ERP44: variants seen among roughly 807,000 people sequenced by gnomAD.
ERP44 encodes the protein endoplasmic reticulum resident protein 44.
In ERP44, 25 loss-of-function variants were observed where a neutral mutation model predicts 53.4. The ratio of observed to expected loss-of-function variants is 0.47; its 90% CI spans 0.34 to 0.65. The LOEUF (loss-of-function observed/expected upper bound fraction) is 0.65, where lower values mean the gene tolerates loss of function less well. Ranked by LOEUF, ERP44 falls within the 30% of genes least tolerant of loss-of-function variation. The probability of loss-of-function intolerance (pLI) is 0.01; values close to 1 mark genes in which losing one functional copy is unlikely to be tolerated. For missense variants in ERP44, 338 were observed against 493.2 expected (o/e 0.69, Z 2.98); for synonymous variants, 145 against 161.2 (o/e 0.90, Z 0.76).
chr9:99,999,009 C>A, intron 10 of ERP44: 3 of 1,091,618 alleles, frequency 2.7e-6, no homozygotes, highest in Non-Finnish European at 4.2e-6. Context: ...AGTAGTCGTG[C>A]GTGGGCAGCG....
chr9:99,982,922 T>C (rs1830162798), intron 11 of ERP44, among the ~76,000 whole-genome samples: 1 of 152,200 alleles, frequency 6.6e-6, no homozygotes, highest in Non-Finnish European at 1.5e-5. Context: ...AGGGCAGGGT[T>C]GCCACAGGGC....
intron 4 of ERP44, among the ~76,000 whole-genome samples, chr9:100,024,679 A>G (rs1587966549): frequency 1.3e-5 from 2 of 152,196 alleles, no homozygotes; most frequent in South Asian, 2.1e-4. Context: ...ACATACACAT[A>G]TATTACAGAT....
At chr9:100,078,530 G>A (rs1470450564) in intron 1 of ERP44, among the ~76,000 whole-genome samples, 2 of 147,040 alleles carry the variant, frequency 1.4e-5, no homozygotes, top group African/African-American at 5.1e-5. Flanking sequence ...AGTGGCAGGT[G>A]GATTGCCTGA....
At chr9:100,094,974 G>GAA (rs942932783) in intron 1 of ERP44, among the ~76,000 whole-genome samples, 9 of 51,068 alleles carry the variant, frequency 1.8e-4, no homozygotes, top group Non-Finnish European at 1.7e-4. Context: ...TCTGCCTCAA[G>GAA]AAAAAAAAAA....
intron 1 of ERP44, among the ~76,000 whole-genome samples, chr9:100,066,943 G>A (rs897428042): frequency 2.6e-5 from 4 of 152,124 alleles, no homozygotes; most frequent in Non-Finnish European, 5.9e-5. Flanking sequence ...TTCAAAGAGA[G>A]GGGAAAAATA....
intron 10 of ERP44, among the ~76,000 whole-genome samples, chr9:100,001,973 G>T (rs535773181): frequency 2.0e-5 from 3 of 151,412 alleles, no homozygotes; most frequent in East Asian, 3.9e-4. Context: ...TTTATCTTTC[G>T]TGTATTTACT....
At chr9:100,022,365 A>G (rs1830601349) in intron 4 of ERP44, 139 bp from the exon 5 acceptor site, 1 of 605,862 alleles carries the variant, frequency 1.7e-6, no homozygotes. Context: ...AGAAAAAAAT[A>G]ATAATAATCA....
At chr9:99,999,165 C>T (rs1288270932) in intron 10 of ERP44, 8 of 542,640 alleles carry the variant, frequency 1.5e-5, no homozygotes, top group Non-Finnish European at 9.9e-6. Context: ...CTCCGCCCCC[C>T]GACCCTGTCC....
At chr9:100,007,940 C>T (rs554789822) in intron 8 of ERP44, among the ~76,000 whole-genome samples, 1 of 152,250 alleles carries the variant, frequency 6.6e-6, no homozygotes, top group South Asian at 2.1e-4. Context: ...ACTGATCTGC[C>T]CCCACTGTCT....
intron 3 of ERP44, among the ~76,000 whole-genome samples, chr9:100,054,506 T>C (rs1564098967): frequency 1.3e-5 from 2 of 152,222 alleles, no homozygotes. Context: ...GCATGGTTCA[T>C]GTTTAAAATA....
intron 4 of ERP44, among the ~76,000 whole-genome samples, chr9:100,046,525 C>A (rs7043946): frequency 6.6e-6 from 1 of 151,686 alleles, no homozygotes; most frequent in Non-Finnish European, 1.5e-5. Context: ...ACAATAGCAT[C>A]AAAAAAATAA....
At chr9:100,010,599 G>A (rs1203583128) in intron 8 of ERP44, among the ~76,000 whole-genome samples, 1 of 152,030 alleles carries the variant, frequency 6.6e-6, no homozygotes, top group Non-Finnish European at 1.5e-5. Context: ...GAGGCCTACA[G>A]AAGTAAGAAA....
intron 1 of ERP44, among the ~76,000 whole-genome samples, chr9:100,069,042 G>T (rs1320649396): frequency 2.0e-5 from 3 of 152,086 alleles, no homozygotes; most frequent in Non-Finnish European, 4.4e-5. Context: ...AGGGTTAAAT[G>T]GATTAAGGGC....
chr9:100,047,316 C>G (rs1409916490), intron 4 of ERP44, among the ~76,000 whole-genome samples: 2 of 152,112 alleles, frequency 1.3e-5, no homozygotes, highest in African/African-American at 4.8e-5. Flanking sequence ...TTCCTGATTT[C>G]AAAACATACT....
chr9:100,008,642 A>T (rs192599012), intron 8 of ERP44, among the ~76,000 whole-genome samples: 421 of 152,326 alleles, frequency 2.8e-3, no homozygotes, highest in Middle Eastern at 6.8e-3. Context: ...CAGGATTAAA[A>T]GTTTTCTTCT....
At chr9:99,983,481 C>G (rs1830168731) in intron 11 of ERP44, among the ~76,000 whole-genome samples, 1 of 143,776 alleles carries the variant, frequency 7.0e-6, no homozygotes, top group Non-Finnish European at 1.5e-5. Context: ...GGAAGCGGAG[C>G]TTGCAGTGAG....
At chr9:100,015,129 T>C (rs1290232823) in intron 8 of ERP44, among the ~76,000 whole-genome samples, 1 of 152,208 alleles carries the variant, frequency 6.6e-6, no homozygotes, top group Non-Finnish European at 1.5e-5. Context: ...GGGATTAGGA[T>C]TTCAACATAT....
intron 11 of ERP44, among the ~76,000 whole-genome samples, chr9:99,984,218 G>A (rs987221261): frequency 1.3e-5 from 2 of 151,930 alleles, no homozygotes; most frequent in African/African-American, 4.8e-5. Context: ...GGTTTTATAG[G>A]CAAAATAATG....
At chr9:100,061,377 G>A (rs1291299087) in intron 1 of ERP44, among the ~76,000 whole-genome samples, 1 of 151,566 alleles carries the variant, frequency 6.6e-6, no homozygotes, top group Non-Finnish European at 1.5e-5. Context: ...CCAGGAGGTG[G>A]AGGTTGCAGT....
Sources: gnomAD v4.1 joint callset for allele counts (sites outside exome capture counted in the v4.1 genomes callset) on GRCh38, gnomAD v4.1.1 for gene constraint, MANE v1.5 for transcripts, NCBI Gene and HGNC (gene_info 2026-07-23, HGNC 2026-07-21) for gene names.